Variants in DNAJC11 observed in about 807,000 individuals in gnomAD.
The protein encoded by DNAJC11 is dnaJ homolog subfamily C member 11.
A neutral mutation model predicts 78.6 loss-of-function variants in DNAJC11; 15 were observed. The observed-to-expected ratio is 0.19, with a 90% CI of 0.13 to 0.29. The LOEUF (loss-of-function observed/expected upper bound fraction) is 0.29, where lower values mean the gene tolerates loss of function less well. DNAJC11 is among the 10% of genes least tolerant of loss of function. DNAJC11 has a pLI of 1.00. For missense variants in DNAJC11, 547 were observed against 709.6 expected (o/e 0.77, Z 2.60); for synonymous variants, 292 against 272.1 (o/e 1.07, Z -0.72).
At chr1:6,678,344 G>GT in intron 3 of DNAJC11, 50 bp downstream of exon 3, 1 of 1,525,202 alleles carries the variant, frequency 6.6e-7, no homozygotes, top group East Asian at 2.3e-5. Context: ...GAGATGTTCT[G>GT]TAACTGTTTA....
In DNAJC11 at chr1:6,637,501, G is replaced by A. The variant is rs1641799623; in HGVS notation, c.1327C>T (p.Arg443Trp). The part of the protein sequence containing the change: ...QKKQEAESAV[R>W]LMQESVRRII... ...CTTCGGACAGATTCCTGCATCAGCC[G>A]GACCTGCCAGAGAACAAGGATGACA... The change falls in exon 13 of 16, where the codon CGG becomes TGG. Residue 443 changes from arginine to tryptophan, a missense_variant. By Grantham distance (101) the Arg-to-Trp change is moderately radical. Coordinates refer to ENST00000377577, the MANE Select transcript of DNAJC11 (RefSeq NM_018198.4). 8 of 1,614,158 alleles carry A rather than the reference G, an allele frequency of 5.0e-6. No individual in the cohort carries two copies. Among genetic ancestry groups the A allele is most frequent in the Non-Finnish European group, 6.8e-6 (8 of 1,180,028 alleles).
At chr1:6,656,252 C>G (rs1229136224) in intron 4 of DNAJC11, among the ~76,000 whole-genome samples, 1 of 151,474 alleles carries the variant, frequency 6.6e-6, no homozygotes, top group African/African-American at 2.4e-5. Context: ...AATTCCATAA[C>G]GGCATTTTGG....
At chr1:6,675,014 C>G (rs1477992446) in intron 3 of DNAJC11, among the ~76,000 whole-genome samples, 1 of 152,216 alleles carries the variant, frequency 6.6e-6, no homozygotes, top group African/African-American at 2.4e-5. Flanking sequence ...GGGAATACAG[C>G]TTCCTCCCTG....
Position 6,645,986 on chromosome 1 carries a change from G to A in DNAJC11, c.705-8C>T. 3 of 1,613,804 alleles carry A rather than the reference G, an allele frequency of 1.9e-6. No homozygotes were observed. Among genetic ancestry groups the A allele is most frequent in the Non-Finnish European group, 2.5e-6 (3 of 1,179,792 alleles). On this transcript the variant is annotated splice_region_variant and splice_polypyrimidine_tract_variant and intron_variant, in intron 7 of 15. Transcript: ENST00000377577. This position sits in a 1 kb window ranked among gnomAD's most constrained non-coding sequence, Gnocchi z 4.1. ...CAGTTTGTTGTCACAAAGCTGGAGA[G>A]ACACAGAGACAGAATAGGTCCTGGA...
rs1212430905 is a variant in DNAJC11, at chr1:6,634,809, TG to T, written c.*865del. On this transcript the variant is annotated 3_prime_UTR_variant, in exon 16 of 16. Coordinates refer to ENST00000377577, the MANE Select transcript of DNAJC11 (RefSeq NM_018198.4). ...CCTGCTGGGTACCACGGGCCGGGCCTGGGGTCCACGCCTTTGGGTTGGGTGT... is the reference window on the plus strand; with the variant it reads ...CCTGCTGGGTACCACGGGCCGGGCCTGGGTCCACGCCTTTGGGTTGGGTGT... The T allele has an allele frequency of 3.1e-6, 4 of 1,279,818 alleles. No individual in the cohort carries two copies. The highest frequency in any genetic ancestry group is 3.1e-6 in the Non-Finnish European group (3 of 976,030). The allele number at this position is 1,279,818 out of a possible 1,614,324, so 79.3% of individuals were successfully genotyped here.
At chr1:6,636,661 C>T (rs540739342) in intron 14 of DNAJC11, among the ~76,000 whole-genome samples, 3 of 152,312 alleles carry the variant, frequency 2.0e-5, no homozygotes, top group Admixed American at 2.0e-4. Flanking sequence ...GTGTGACTGG[C>T]ACACACCAGG....
chr1:6,698,185 G>C (rs1642869653), intron 1 of DNAJC11, among the ~76,000 whole-genome samples: 1 of 151,752 alleles, frequency 6.6e-6, no homozygotes, highest in South Asian at 2.1e-4. Context: ...ACTGAACATT[G>C]AGAGTTTTGA....
intron 1 of DNAJC11, among the ~76,000 whole-genome samples, chr1:6,692,958 T>C (rs1019045216): frequency 2.0e-5 from 3 of 150,678 alleles, no homozygotes; most frequent in African/African-American, 7.3e-5. Flanking sequence ...CAGGCTGGAG[T>C]CCAGTGGCAC....
chr1:6,691,545 C>A (rs3789570), intron 1 of DNAJC11, among the ~76,000 whole-genome samples: 1 of 152,190 alleles, frequency 6.6e-6, no homozygotes, highest in East Asian at 1.9e-4. Context: ...TTATTTCTCC[C>A]TAAAAGCCTG....
intron 14 of DNAJC11, 62 bp downstream of exon 14, chr1:6,637,136 C>A: frequency 1.3e-6 from 2 of 1,598,866 alleles, no homozygotes; most frequent in South Asian, 1.1e-5. Context: ...AGGCCTGAGT[C>A]ACCGCGCCCA....
At chr1:6,672,766 C>A (rs1260906722) in intron 3 of DNAJC11, among the ~76,000 whole-genome samples, 4 of 152,216 alleles carry the variant, frequency 2.6e-5, no homozygotes, top group Admixed American at 6.5e-5. Context: ...TCCTTATCAG[C>A]AACCCTTACA....
At position 6,689,104 on chromosome 1, in the gene DNAJC11, C is replaced by A. The variant is rs924547363; in HGVS notation, c.73-8067G>T. On this transcript the variant is annotated intron_variant, in intron 1 of 15. Transcript: ENST00000377577. Reference sequence around the variant, plus strand: ...CCTGACCCAAGAAATAAGAGGAAGTCATACAAGGTTTCTGGGTAGAGAAAT... The same window carrying A: ...CCTGACCCAAGAAATAAGAGGAAGTAATACAAGGTTTCTGGGTAGAGAAAT... Among the ~76,000 whole-genome samples, 4 of 152,284 alleles carry A rather than the reference C, an allele frequency of 2.6e-5. 1 individual carries two copies. Among genetic ancestry groups the A allele is most frequent in the Admixed American group, 2.6e-4 (4 of 15,300 alleles).
At chr1:6,693,902 C>T (rs1359469319) in intron 1 of DNAJC11, among the ~76,000 whole-genome samples, 2 of 143,512 alleles carry the variant, frequency 1.4e-5, no homozygotes, top group Non-Finnish European at 3.0e-5. Context: ...CACAGTGGTG[C>T]GATCTCTGCT....
intron 1 of DNAJC11, among the ~76,000 whole-genome samples, chr1:6,695,898 C>T (rs764273541): frequency 1.3e-5 from 2 of 152,090 alleles, no homozygotes; most frequent in Non-Finnish European, 2.9e-5. Context: ...GATTTGAATA[C>T]TGGACTCCAG....
chr1:6,649,140 G>A (rs1642013622), intron 7 of DNAJC11, among the ~76,000 whole-genome samples: 1 of 151,916 alleles, frequency 6.6e-6, no homozygotes, highest in Non-Finnish European at 1.5e-5. Context: ...TTGCAGGTGT[G>A]AGTCACATCG....
At position 6,653,896 on chromosome 1, in the gene DNAJC11, G is replaced by A. The variant is rs200160590; in HGVS notation, c.507+15C>T. 3 of 1,611,014 alleles carry A rather than the reference G, an allele frequency of 1.9e-6. No individual in the cohort carries two copies. Among genetic ancestry groups the A allele is most frequent in the Non-Finnish European group, 1.7e-6 (2 of 1,177,700 alleles). The stretch of plus-strand genomic sequence containing the variant: ...GAGCCCTTGCTGTACTCGGAGAGGT[G>A]GTTGTGTGCTTTACCTCAATGGACT... On this transcript the variant is annotated intron_variant, in intron 5 of 15. Transcript: ENST00000377577. This position sits in a 1 kb window ranked among gnomAD's most constrained non-coding sequence, Gnocchi z 4.5.
chr1:6,676,805 C>A lies in DNAJC11; in HGVS notation c.276+1589G>T, dbSNP rs553194699. Among the ~76,000 whole-genome samples, 19 of 152,284 alleles carry A rather than the reference C, an allele frequency of 1.2e-4. No individual in the cohort carries two copies. The South Asian group carries it at 3.9e-3, about 32-fold the overall frequency. On this transcript the variant is annotated intron_variant, in intron 3 of 15. Coordinates refer to ENST00000377577, the MANE Select transcript of DNAJC11 (RefSeq NM_018198.4). ...GATCCTCTTTTGCTTTTCTTCCACT[C>A]CTCATCTGAAGGCCTTTACAAGGCT...
rs569472657 is a variant in DNAJC11, at chr1:6,671,812, G to A, written c.277-4002C>T. ...CTCCCAAAGTGGCGTGAGCCACTGC[G>A]CCCAGCGATATTTTATTTTATTTTA... On this transcript the variant is annotated intron_variant, in intron 3 of 15. Transcript: ENST00000377577. 8.5e-5 allele frequency among the ~76,000 whole-genome samples: 13 copies of A among 152,226 alleles called. No homozygotes were observed. In the East Asian group the frequency reaches 1.5e-3, roughly 18 times the overall value.
intron 15 of DNAJC11, 100 bp downstream of exon 15, chr1:6,636,017 G>T (rs1641760691): frequency 2.0e-6 from 3 of 1,470,234 alleles, no homozygotes; most frequent in Non-Finnish European, 1.8e-6. Flanking sequence ...CAGGTGGGCA[G>T]CTGAGGAAGG....
Sources: allele counts gnomAD v4.1 joint callset (sites outside exome capture counted in the v4.1 genomes callset), GRCh38; gene constraint gnomAD v4.1.1; non-coding constraint Gnocchi (gnomAD v3.1); transcripts MANE v1.5; gene names NCBI Gene and HGNC (gene_info 2026-07-23, HGNC 2026-07-21).